The following KAT7 variants were observed in gnomAD, a reference collection of about 807,000 sequenced individuals.
The protein encoded by KAT7 is histone acetyltransferase KAT7.
Under a neutral mutation model 82.1 loss-of-function variants are expected in KAT7, and 10 were observed. That is an observed-to-expected ratio of 0.12 (90% CI 0.08 to 0.21). The LOEUF is 0.21. KAT7 is among the 10% of genes least tolerant of loss of function. KAT7 has a pLI of 1.00. For synonymous variants in KAT7, 250 were observed against 262.5 expected (o/e 0.95, Z 0.46); for missense variants, 378 against 760.9 (o/e 0.50, Z 5.92).
chr17:49,814,605 C>T lies in KAT7; in HGVS notation c.853-1198C>T, dbSNP rs1439741055. 2.0e-5 allele frequency among the ~76,000 whole-genome samples: 3 copies of T among 151,986 alleles called. No individual in the cohort carries two copies. The East Asian group carries it at 5.8e-4, about 29-fold the overall frequency. On this transcript the variant is annotated intron_variant, in intron 7 of 14. Transcript: ENST00000259021. ...AGAAAGAGTGTCTGAAGTAAAAGTT[C>T]TTGAAATTTTTAACCTTAACAAACA... is the stretch of plus-strand genomic sequence containing the variant.
At chr17:49,825,798 G>A (rs778535063) in intron 12 of KAT7, among the ~76,000 whole-genome samples, 19 of 152,204 alleles carry the variant, frequency 1.2e-4, no homozygotes, top group Non-Finnish European at 2.6e-4. Flanking sequence ...CCTGTGTCAT[G>A]TAAATGCAAA....
At chr17:49,796,461 A>T (rs2073957443) in intron 2 of KAT7, among the ~76,000 whole-genome samples, 1 of 152,218 alleles carries the variant, frequency 6.6e-6, no homozygotes, top group South Asian at 2.1e-4. Flanking sequence ...GCTTGGAGAA[A>T]ATAACTTGCC....
chr17:49,790,602 A>AAATGTACATTTTTTTAGTAACC (rs2073874730), intron 1 of KAT7, among the ~76,000 whole-genome samples: 4 of 152,200 alleles, frequency 2.6e-5, no homozygotes, highest in Non-Finnish European at 5.9e-5. Flanking sequence ...AGTTACTTGA[A>AAATGTACATTTTTTTAGTAACC]AATGTACATT....
chr17:49,805,493 G>A (rs147937913), intron 5 of KAT7, 48 bp downstream of exon 5: 129 of 1,394,138 alleles, frequency 9.3e-5, no homozygotes, highest in Non-Finnish European at 1.2e-4. Context: ...AGTGCTTACC[G>A]TTTGCCAGGC....
chr17:49,808,148 G>C (rs1369006122), intron 5 of KAT7, among the ~76,000 whole-genome samples: 1 of 125,642 alleles, frequency 8.0e-6, no homozygotes, highest in South Asian at 2.5e-4. Context: ...TTTTGAGACA[G>C]TCTCGCTCTG....
chr17:49,810,513 T>C (rs2045016960), intron 6 of KAT7, among the ~76,000 whole-genome samples: 2 of 152,210 alleles, frequency 1.3e-5, no homozygotes, highest in African/African-American at 2.4e-5. Context: ...TGCCTTGGCC[T>C]CCCAAAGTGC....
At chr17:49,822,099 G>T (rs2074311234) in intron 11 of KAT7, among the ~76,000 whole-genome samples, 1 of 152,126 alleles carries the variant, frequency 6.6e-6, no homozygotes, top group Non-Finnish European at 1.5e-5. Context: ...AGTTCTGCTG[G>T]CTTTGCCTGC....
intron 5 of KAT7, among the ~76,000 whole-genome samples, chr17:49,806,482 C>T (rs1484424552): frequency 6.6e-6 from 1 of 151,962 alleles, no homozygotes; most frequent in South Asian, 2.1e-4. Flanking sequence ...GTAGATCTTC[C>T]CATTGTCCTC....
chr17:49,794,493 C>G (rs767222550), intron 2 of KAT7, among the ~76,000 whole-genome samples: 5 of 152,140 alleles, frequency 3.3e-5, no homozygotes, highest in Admixed American at 6.5e-5. Flanking sequence ...ACCGTGTTGT[C>G]CAGGCTTGTC....
At chr17:49,822,069 C>T (rs976158314) in intron 11 of KAT7, among the ~76,000 whole-genome samples, 14 of 152,260 alleles carry the variant, frequency 9.2e-5, no homozygotes, top group Admixed American at 7.8e-4. Context: ...ACTCACAAGC[C>T]CACATCTTGT....
At chr17:49,825,892 T>C in intron 12 of KAT7, 108 bp from the exon 13 acceptor site, 2 of 1,103,640 alleles carry the variant, frequency 1.8e-6, no homozygotes, top group Middle Eastern at 3.2e-4. Flanking sequence ...TAAATCCTAA[T>C]GGAGTGGACT....
intron 13 of KAT7, 119 bp downstream of exon 13, chr17:49,826,265 C>A: frequency 2.0e-6 from 2 of 996,768 alleles, no homozygotes; most frequent in Non-Finnish European, 3.0e-6. Context: ...ACTGCGGAGA[C>A]CCTCACTAAA....
chr17:49,807,254 TAGAG>T (rs1345816438), intron 5 of KAT7, among the ~76,000 whole-genome samples: 1 of 152,174 alleles, frequency 6.6e-6, no homozygotes, highest in African/African-American at 2.4e-5. Context: ...ACGAATGATA[TAGAG>T]AGAGTCTGTT....
chr17:49,789,910 G>A (rs2143826496), intron 1 of KAT7: 1 of 152,256 alleles, frequency 6.6e-6, no homozygotes, highest in East Asian at 1.9e-4. Flanking sequence ...GAAGAGCTGA[G>A]TTCCAGGATC....
At chr17:49,826,173 T>G in intron 13 of KAT7, 27 bp downstream of exon 13, 1 of 1,605,846 alleles carries the variant, frequency 6.2e-7, no homozygotes, top group Non-Finnish European at 8.5e-7. Flanking sequence ...TTGGAATGGT[T>G]GATTGTTACC....
At chr17:49,801,656 A>G (rs956662598) in intron 4 of KAT7, among the ~76,000 whole-genome samples, 3 of 151,722 alleles carry the variant, frequency 2.0e-5, no homozygotes, top group Non-Finnish European at 2.9e-5. Flanking sequence ...TGCTCAGCTA[A>G]TATTTGTATT....
At chr17:49,794,585 T>G (rs1217183339) in intron 2 of KAT7, among the ~76,000 whole-genome samples, 1 of 152,198 alleles carries the variant, frequency 6.6e-6, no homozygotes, top group Non-Finnish European at 1.5e-5. Flanking sequence ...CGTGCCCAGC[T>G]GCACACTGAG....
rs1442347913 is a variant in KAT7 at position 49,829,886 on chromosome 17, T to C, written c.*2384T>C. The C allele has an allele frequency of 1.1e-5, 1 of 87,610 alleles. No homozygotes were observed. Among genetic ancestry groups the C allele is most frequent in the Non-Finnish European group, 2.4e-5 (1 of 41,972 alleles). The allele number at this position is 87,610 out of a possible 1,614,324, so 5.4% of individuals were successfully genotyped here. On this transcript the variant is annotated 3_prime_UTR_variant, in exon 15 of 15. Transcript: ENST00000259021. ...CATGAGACTATCCCATTTCATTCCG[T>C]TTTTTTTTTTTTGAGTCAGAGTCTG...
intron 4 of KAT7, among the ~76,000 whole-genome samples, chr17:49,804,971 A>G (rs2074073426): frequency 6.6e-6 from 1 of 152,234 alleles, no homozygotes; most frequent in Admixed American, 6.5e-5. Context: ...CACAGTAGAA[A>G]GAAAAGTACA....
Sources: allele counts gnomAD v4.1 joint callset (sites outside exome capture counted in the v4.1 genomes callset), GRCh38; gene constraint gnomAD v4.1.1; transcripts MANE v1.5; gene names NCBI Gene and HGNC (gene_info 2026-07-23, HGNC 2026-07-21).